The following ACOXL variants were observed in gnomAD, a reference collection of about 807,000 sequenced individuals.
The protein encoded by ACOXL is acyl-CoA oxidase like.
Under a neutral mutation model 71.9 loss-of-function variants are expected in ACOXL, and 70 were observed. The ratio of observed to expected loss-of-function variants is 0.97; its 90% CI spans 0.80 to 1.19. The LOEUF is 1.19. Ranked by LOEUF, ACOXL falls within the 50% of genes most tolerant of loss-of-function variation. The pLI is 0.00. For synonymous variants in ACOXL, 253 were observed against 281.6 expected (o/e 0.90, Z 1.02); for missense variants, 703 against 736.3 (o/e 0.95, Z 0.52).
chr2:110,984,423 G>GAT (rs1390646148), intron 12 of ACOXL, among the ~76,000 whole-genome samples: 4 of 152,214 alleles, frequency 2.6e-5, no homozygotes, highest in African/African-American at 9.6e-5. Flanking sequence ...ACTGGACCTA[G>GAT]AGTCTGTAAT....
At chr2:110,832,393 C>A (rs1459078770) in intron 9 of ACOXL, among the ~76,000 whole-genome samples, 2 of 151,788 alleles carry the variant, frequency 1.3e-5, no homozygotes, top group Non-Finnish European at 2.9e-5. Context: ...AAAAAATTAG[C>A]CGGGTGCGGT....
intron 2 of ACOXL, among the ~76,000 whole-genome samples, chr2:110,772,539 CT>C (rs1186185472): frequency 1.3e-5 from 2 of 152,142 alleles, no homozygotes; most frequent in African/African-American, 4.8e-5. Context: ...GATCAGGCTT[CT>C]TTCAGCCAAG....
At chr2:110,885,546 G>A (rs557761439) in intron 10 of ACOXL, among the ~76,000 whole-genome samples, 3 of 151,990 alleles carry the variant, frequency 2.0e-5, no homozygotes, top group Non-Finnish European at 4.4e-5. Flanking sequence ...AAGACTGGAG[G>A]TATAAAGTAT....
intron 11 of ACOXL, among the ~76,000 whole-genome samples, chr2:110,915,428 A>ATATTT (rs1315085098): frequency 8.3e-5 from 9 of 108,012 alleles, no homozygotes; most frequent in Admixed American, 1.1e-4. Context: ...ATATATATAT[A>ATATTT]TTTTTTTTTT....
At chr2:110,849,320 C>G (rs1380834826) in intron 10 of ACOXL, among the ~76,000 whole-genome samples, 1 of 152,182 alleles carries the variant, frequency 6.6e-6, no homozygotes, top group East Asian at 1.9e-4. Context: ...AATGATATCC[C>G]CCTGGAAAAT....
chr2:111,084,395 T>C (rs1236882948), intron 16 of ACOXL, among the ~76,000 whole-genome samples: 1 of 151,836 alleles, frequency 6.6e-6, no homozygotes, highest in Non-Finnish European at 1.5e-5. Context: ...AACCCCAGCA[T>C]AACATGAGGC....
At position 110,792,211 on chromosome 2, in the gene ACOXL, G is replaced by A. The variant is rs572672929; in HGVS notation, c.160-1439G>A. On this transcript the variant is annotated intron_variant, in intron 3 of 17. Coordinates refer to ENST00000439055, the MANE Select transcript of ACOXL (RefSeq NM_001142807.4). ...TCATCCTAAAGCTGGGATGGGGTGGGGTCAACATCACCCACAAACCACTTG... is the reference window on the plus strand; with the variant it reads ...TCATCCTAAAGCTGGGATGGGGTGGAGTCAACATCACCCACAAACCACTTG... Among the ~76,000 whole-genome samples, 6 of 152,300 alleles carry A rather than the reference G, an allele frequency of 3.9e-5. No homozygotes were observed. The South Asian group carries it at 1.2e-3, about 32-fold the overall frequency.
At chr2:110,955,835 C>T (rs1054760877) in intron 12 of ACOXL, among the ~76,000 whole-genome samples, 2 of 152,114 alleles carry the variant, frequency 1.3e-5, no homozygotes, top group Non-Finnish European at 2.9e-5. Context: ...CCTCTGAAAA[C>T]CTTCTCTGGC....
chr2:111,028,780 GAAATAGT>G (rs2065130278), intron 14 of ACOXL, among the ~76,000 whole-genome samples: 1 of 152,162 alleles, frequency 6.6e-6, no homozygotes, highest in Non-Finnish European at 1.5e-5. Context: ...GCTTTATCAG[GAAATAGT>G]CATATCTTTT....
At chr2:110,756,529 A>C (rs1005860981) in intron 1 of ACOXL, among the ~76,000 whole-genome samples, 73 of 152,280 alleles carry the variant, frequency 4.8e-4, no homozygotes, top group African/African-American at 1.7e-3. Flanking sequence ...GATTTCTTGG[A>C]TTAAAATTAT....
intron 12 of ACOXL, among the ~76,000 whole-genome samples, chr2:110,947,269 C>A (rs1368061150): frequency 6.6e-6 from 1 of 152,212 alleles, no homozygotes; most frequent in Non-Finnish European, 1.5e-5. Flanking sequence ...CACATTGCCT[C>A]TTTTCTCCAT....
At chr2:110,917,128 C>A (rs966941817) in intron 11 of ACOXL, among the ~76,000 whole-genome samples, 1 of 152,160 alleles carries the variant, frequency 6.6e-6, no homozygotes, top group Non-Finnish European at 1.5e-5. Flanking sequence ...AGGCCAATAT[C>A]CCTGATGAAC....
intron 14 of ACOXL, among the ~76,000 whole-genome samples, chr2:111,010,216 T>C (rs1178504066): frequency 6.6e-6 from 1 of 151,952 alleles, no homozygotes; most frequent in Non-Finnish European, 1.5e-5. Flanking sequence ...GTGGAACATA[T>C]GAATAAAAGG....
At chr2:110,733,797 C>T (rs1485946349) in intron 1 of ACOXL, among the ~76,000 whole-genome samples, 1 of 152,168 alleles carries the variant, frequency 6.6e-6, no homozygotes, top group Non-Finnish European at 1.5e-5. Context: ...ACTTCTCTTT[C>T]CCTCTCTCTC....
At chr2:110,763,058 GAAAA>G (rs1227029900) in intron 1 of ACOXL, among the ~76,000 whole-genome samples, 1 of 152,118 alleles carries the variant, frequency 6.6e-6, no homozygotes, top group Non-Finnish European at 1.5e-5. Flanking sequence ...AGTCATGAAT[GAAAA>G]AAATCCACTA....
chr2:111,041,844 A>G (rs2065801940), intron 15 of ACOXL, among the ~76,000 whole-genome samples: 1 of 152,242 alleles, frequency 6.6e-6, no homozygotes, highest in Non-Finnish European at 1.5e-5. Context: ...CATTCAGGAA[A>G]GCAGGTGACC....
At chr2:111,115,673 T>C (rs1157667700) in intron 17 of ACOXL, 1 of 152,218 alleles carries the variant, frequency 6.6e-6, no homozygotes, top group Non-Finnish European at 1.5e-5. Flanking sequence ...ACAATAATCA[T>C]TCTGAGGTTT....
chr2:110,751,736 C>T (rs1678990182), intron 1 of ACOXL, among the ~76,000 whole-genome samples: 1 of 152,202 alleles, frequency 6.6e-6, no homozygotes, highest in Non-Finnish European at 1.5e-5. Flanking sequence ...TCAACCCTTG[C>T]CTCCACCCTC....
intron 1 of ACOXL, among the ~76,000 whole-genome samples, chr2:110,764,536 G>A (rs947915051): frequency 3.9e-5 from 6 of 152,172 alleles, no homozygotes; most frequent in African/African-American, 1.2e-4. Flanking sequence ...GATTTTTAGG[G>A]CAGTGAAGCT....
Sources: allele counts gnomAD v4.1 joint callset (sites outside exome capture counted in the v4.1 genomes callset), GRCh38; gene constraint gnomAD v4.1.1; transcripts MANE v1.5; gene names NCBI Gene and HGNC (gene_info 2026-07-23, HGNC 2026-07-21).